The following PLEKHA2 variants were observed in gnomAD, a reference collection of about 807,000 sequenced individuals.
The protein encoded by PLEKHA2 is pleckstrin homology domain containing A2.
Under a neutral mutation model 53.2 loss-of-function variants are expected in PLEKHA2, and 28 were observed. The ratio of observed to expected loss-of-function variants is 0.53; its 90% CI spans 0.39 to 0.72. The LOEUF is 0.72. Ranked by LOEUF, PLEKHA2 falls within the 30% of genes least tolerant of loss-of-function variation. The probability of loss-of-function intolerance (pLI) is 0.00; values close to 1 mark genes in which losing one functional copy is unlikely to be tolerated. For missense variants in PLEKHA2, 426 were observed against 537.9 expected (o/e 0.79, Z 2.06); for synonymous variants, 193 against 196.4 (o/e 0.98, Z 0.14).
At chr8:38,947,578 G>A (rs899107699) in intron 5 of PLEKHA2, among the ~76,000 whole-genome samples, 1 of 152,004 alleles carries the variant, frequency 6.6e-6, no homozygotes, top group Non-Finnish European at 1.5e-5. Flanking sequence ...AGTTATGATC[G>A]CACCACTGTA....
At chr8:38,912,075 TG>T (rs1238440335) in intron 1 of PLEKHA2, among the ~76,000 whole-genome samples, 1 of 152,192 alleles carries the variant, frequency 6.6e-6, no homozygotes, top group East Asian at 1.9e-4. Context: ...CTGAGGCTGG[TG>T]GTTCACCTGA....
chr8:38,911,662 A>G (rs966766265), intron 1 of PLEKHA2, among the ~76,000 whole-genome samples: 3 of 152,114 alleles, frequency 2.0e-5, no homozygotes, highest in South Asian at 2.1e-4. Flanking sequence ...ATATTTTCAC[A>G]CTGGGGAACT....
chr8:38,949,551 A>C (rs1834786692), intron 5 of PLEKHA2, among the ~76,000 whole-genome samples: 1 of 152,254 alleles, frequency 6.6e-6, no homozygotes, highest in East Asian at 1.9e-4. Context: ...GTGGGCCACC[A>C]ATTTGCAACC....
At chr8:38,912,442 G>A (rs1028832415) in intron 1 of PLEKHA2, among the ~76,000 whole-genome samples, 3 of 152,166 alleles carry the variant, frequency 2.0e-5, no homozygotes, top group African/African-American at 7.2e-5. Context: ...ACACCAAGTT[G>A]TTCCCCCATC....
chr8:38,916,320 A>G (rs1201825355), intron 1 of PLEKHA2, among the ~76,000 whole-genome samples: 1 of 152,174 alleles, frequency 6.6e-6, no homozygotes, highest in Non-Finnish European at 1.5e-5. Flanking sequence ...ATTATTGACT[A>G]TAGTTACCCT....
At chr8:38,967,807 G>A (rs759399415) in intron 10 of PLEKHA2, among the ~76,000 whole-genome samples, 4 of 151,728 alleles carry the variant, frequency 2.6e-5, no homozygotes, top group East Asian at 1.9e-4. Flanking sequence ...GACTACGGGC[G>A]CACGCCACCA....
intron 3 of PLEKHA2, among the ~76,000 whole-genome samples, chr8:38,939,290 T>C (rs1307735612): frequency 6.6e-6 from 1 of 152,228 alleles, no homozygotes; most frequent in Non-Finnish European, 1.5e-5. Context: ...CAAAGGAGAA[T>C]AGTGTTTTTA....
intron 10 of PLEKHA2, among the ~76,000 whole-genome samples, chr8:38,963,148 G>T (rs1195179806): frequency 6.6e-6 from 1 of 152,164 alleles, no homozygotes; most frequent in Non-Finnish European, 1.5e-5. Flanking sequence ...GAAGCTCACT[G>T]GACTACAATA....
At chr8:38,903,474 A>G (rs1191501721) in intron 1 of PLEKHA2, among the ~76,000 whole-genome samples, 1 of 152,204 alleles carries the variant, frequency 6.6e-6, no homozygotes, top group East Asian at 1.9e-4. Context: ...GAGCTGAACC[A>G]TATTCAGCTC....
At chr8:38,939,049 G>A (rs1336543755) in intron 3 of PLEKHA2, among the ~76,000 whole-genome samples, 1 of 152,012 alleles carries the variant, frequency 6.6e-6, no homozygotes, top group Non-Finnish European at 1.5e-5. Flanking sequence ...GATTACAGGT[G>A]TGTACCACCA....
rs746064052 is a variant in PLEKHA2 at position 38,946,197 on chromosome 8, C to T, written c.321C>T (p.Ala107=). The T allele has an allele frequency of 1.2e-6, 2 of 1,604,942 alleles. No individual in the cohort carries two copies. The highest frequency in any genetic ancestry group is 1.3e-5 in the African/African-American group (1 of 74,796). ...AAGATATGAAGGACTGGGTTGAAGC[C>T]CTGAACCAAGCCAGCAAGATCACCG... The part of the protein sequence containing the change: ...DQKDMKDWVE[A]LNQASKITVP... The change falls in exon 5 of 12, where the codon GCC becomes GCT. Residue 107 remains alanine, a synonymous_variant. Coordinates refer to ENST00000617275, the MANE Select transcript of PLEKHA2 (RefSeq NM_021623.2).
rs71216697 is a variant in PLEKHA2 at position 38,933,790 on chromosome 8, A to AAAAAAAG, written c.142-2200_142-2199insAAGAAAA. 1.3e-4 allele frequency among the ~76,000 whole-genome samples: 12 copies of AAAAAAAG among 90,656 alleles called. 1 individual carries two copies. The highest frequency in any genetic ancestry group is 3.2e-4 in the South Asian group (1 of 3,106). The allele number at this position is 90,656 out of a possible 152,430, so 59.5% of individuals were successfully genotyped here. ...AATAGAGGTTTCCTAAAAAAAAAAA[A>AAAAAAAG]AAAAGAAAAGAAAGAAAAGCAGTCG... On this transcript the variant is annotated intron_variant, in intron 2 of 11. Transcript: ENST00000617275.
chr8:38,936,550 C>G (rs1484457140), intron 3 of PLEKHA2, among the ~76,000 whole-genome samples: 2 of 152,240 alleles, frequency 1.3e-5, no homozygotes, highest in Non-Finnish European at 2.9e-5. Flanking sequence ...AGAAGCCACT[C>G]AGATTACCAA....
chr8:38,943,358 G>A (rs1166598913), intron 3 of PLEKHA2, among the ~76,000 whole-genome samples: 7 of 151,726 alleles, frequency 4.6e-5, no homozygotes, highest in Admixed American at 4.6e-4. Flanking sequence ...CAGGCATAGG[G>A]GCATTTAAAA....
intron 2 of PLEKHA2, among the ~76,000 whole-genome samples, chr8:38,929,438 A>AT (rs1385517463): frequency 6.6e-6 from 1 of 152,206 alleles, no homozygotes; most frequent in Non-Finnish European, 1.5e-5. Context: ...TTCATTGATA[A>AT]TCAGCTCTTA....
intron 5 of PLEKHA2, among the ~76,000 whole-genome samples, chr8:38,946,632 G>T (rs1834719857): frequency 6.6e-6 from 1 of 152,166 alleles, no homozygotes; most frequent in East Asian, 1.9e-4. Flanking sequence ...ACTTTCAGAG[G>T]CTGCCTGCAG....
intron 1 of PLEKHA2, among the ~76,000 whole-genome samples, chr8:38,907,316 T>C (rs1833892270): frequency 3.3e-5 from 5 of 152,164 alleles, no homozygotes; most frequent in South Asian, 2.1e-4. Flanking sequence ...GTTATCACTT[T>C]CTCTTATTAT....
intron 4 of PLEKHA2, among the ~76,000 whole-genome samples, chr8:38,944,473 G>A (rs1834670291): frequency 6.6e-6 from 1 of 151,384 alleles, no homozygotes; most frequent in South Asian, 2.1e-4. Flanking sequence ...GCTGATTTCA[G>A]GCCATTGCAC....
At chr8:38,963,206 T>C (rs1400599754) in intron 10 of PLEKHA2, among the ~76,000 whole-genome samples, 2 of 152,226 alleles carry the variant, frequency 1.3e-5, no homozygotes, top group African/African-American at 4.8e-5. Context: ...GTCCTACTCA[T>C]CTCAAAAACT....
Sources: allele counts gnomAD v4.1 joint callset (sites outside exome capture counted in the v4.1 genomes callset), GRCh38; gene constraint gnomAD v4.1.1; transcripts MANE v1.5; gene names NCBI Gene and HGNC (gene_info 2026-07-23, HGNC 2026-07-21).